The following GNB4 variants were observed in gnomAD, a reference collection of about 807,000 sequenced individuals.
The protein encoded by GNB4 is guanine nucleotide-binding protein subunit beta-4.
GNB4 carries 28 observed loss-of-function variants against 45.2 expected under a neutral mutation model. The ratio of observed to expected loss-of-function variants is 0.62; its 90% CI spans 0.46 to 0.85. The LOEUF is 0.85. Ranked by LOEUF, GNB4 falls within the 40% of genes least tolerant of loss-of-function variation. GNB4 has a pLI of 0.00. For synonymous variants in GNB4, 132 were observed against 143.7 expected (o/e 0.92, Z 0.58); for missense variants, 321 against 425.4 (o/e 0.75, Z 2.16).
the GNB4 span, among the ~76,000 whole-genome samples, chr3:179,519,567 C>T: frequency 0.79 from 120,564 of 152,088 alleles, 47,927 homozygotes; most frequent in African/African-American, 0.83. Context: ...TTGGACAACA[C>T]TCTTTTATGC....
At chr3:179,483,130 T>G in the GNB4 span, among the ~76,000 whole-genome samples, 9 of 152,280 alleles carry the variant, frequency 5.9e-5, 2 homozygotes, top group South Asian at 2.1e-4. Flanking sequence ...AATTTAATTA[T>G]TTTTTTCTTT....
intron 9 of GNB4, among the ~76,000 whole-genome samples, chr3:179,404,249 T>C (rs1349627587): frequency 6.6e-6 from 1 of 152,226 alleles, no homozygotes; most frequent in Non-Finnish European, 1.5e-5. Flanking sequence ...AATGTGGTTC[T>C]AAACAAAATC....
At chr3:179,422,101 CG>C (rs1230999455) in intron 2 of GNB4, among the ~76,000 whole-genome samples, 1 of 152,080 alleles carries the variant, frequency 6.6e-6, no homozygotes, top group Non-Finnish European at 1.5e-5. Context: ...CACCAATAGG[CG>C]TCAAAAATCT....
At chr3:179,458,745 C>A in the GNB4 span, among the ~76,000 whole-genome samples, 4 of 151,904 alleles carry the variant, frequency 2.6e-5, no homozygotes, top group Non-Finnish European at 5.9e-5. Flanking sequence ...TTTTTATATT[C>A]TTTTTATTGT....
chr3:179,471,590 GT>G, the GNB4 span, among the ~76,000 whole-genome samples: 1 of 152,090 alleles, frequency 6.6e-6, no homozygotes, highest in Non-Finnish European at 1.5e-5. Flanking sequence ...CTCCATCTAG[GT>G]TTGTGTAAGT....
At chr3:179,432,244 A>C (rs1333178530) in intron 1 of GNB4, among the ~76,000 whole-genome samples, 1 of 152,196 alleles carries the variant, frequency 6.6e-6, no homozygotes, top group African/African-American at 2.4e-5. Context: ...AGACAACCGC[A>C]ACCTTTCTTT....
the GNB4 span, among the ~76,000 whole-genome samples, chr3:179,481,862 A>C: frequency 3.3e-5 from 5 of 152,158 alleles, no homozygotes; most frequent in South Asian, 2.1e-4. Context: ...ACATGAAATA[A>C]ATTTATTTTT....
the GNB4 span, among the ~76,000 whole-genome samples, chr3:179,466,015 T>G: frequency 3.4e-5 from 5 of 147,158 alleles, no homozygotes; most frequent in South Asian, 2.2e-4. Context: ...TCGTTTTTTT[T>G]TTTTTTTTTT....
At chr3:179,490,412 T>C in the GNB4 span, among the ~76,000 whole-genome samples, 16,844 of 152,076 alleles carry the variant, frequency 0.11, 1,254 homozygotes, top group East Asian at 0.33. Flanking sequence ...GACAGATAGG[T>C]ACGTAGGTAG....
At chr3:179,425,558 T>C (rs907435692) in intron 2 of GNB4, among the ~76,000 whole-genome samples, 1 of 152,098 alleles carries the variant, frequency 6.6e-6, no homozygotes, top group Non-Finnish European at 1.5e-5. Context: ...GCAACCTCCG[T>C]CTCCAGGGAT....
At chr3:179,455,061 C>T (rs1715958286), upstream of GNB4, among the ~76,000 whole-genome samples, 1 of 152,126 alleles carries the variant, frequency 6.6e-6, no homozygotes, top group Non-Finnish European at 1.5e-5. Flanking sequence ...CTTTGAGTCA[C>T]CTTTGCTGTA....
chr3:179,464,959 TGA>T, the GNB4 span: 1 of 1,548,956 alleles, frequency 6.5e-7, no homozygotes, highest in Non-Finnish European at 8.9e-7. Flanking sequence ...CAAAAAGTGT[TGA>T]AATGCCCATT....
intron 1 of GNB4, among the ~76,000 whole-genome samples, chr3:179,434,721 A>AT (rs1577037387): frequency 6.6e-6 from 1 of 150,916 alleles, no homozygotes; most frequent in East Asian, 1.9e-4. Flanking sequence ...ACTCTGTCTC[A>AT]TTAAAAAAAA....
chr3:179,468,035 A>AAAATATATATATATATATATATATAT, the GNB4 span, among the ~76,000 whole-genome samples: 22 of 89,866 alleles, frequency 2.4e-4, no homozygotes, highest in African/African-American at 8.8e-4. Context: ...TGTTGATAAA[A>AAAATATATATATATATATATATATAT]ATATATATAT....
chr3:179,419,276 T>C lies in GNB4; in HGVS notation c.203+123A>G, dbSNP rs113974139. 6.4e-5 allele frequency: 45 copies of C among 704,094 alleles called. 2 individuals carry two copies. Among genetic ancestry groups the C allele is most frequent in the African/African-American group, 5.0e-4 (28 of 55,892 alleles). The allele number at this position is 704,094 out of a possible 1,614,324, so 43.6% of individuals were successfully genotyped here. On this transcript the variant is annotated intron_variant, in intron 4 of 9. Transcript: ENST00000232564. ...TTGAAAGCAGCATGTTCATCTGAGA[T>C]GCATTTTCTGCAAACGCTTCATGAA... is the stretch of plus-strand genomic sequence containing the variant.
intron 1 of GNB4, among the ~76,000 whole-genome samples, chr3:179,440,880 T>TAG (rs141411562): frequency 0.41 from 61,060 of 148,982 alleles, 12,640 homozygotes; most frequent in Admixed American, 0.49. Context: ...TATAGATAGA[T>TAG]AGAGAGAGAG....
chr3:179,436,185 G>C (rs569546048), intron 1 of GNB4, among the ~76,000 whole-genome samples: 2 of 152,158 alleles, frequency 1.3e-5, no homozygotes, highest in African/African-American at 4.8e-5. Flanking sequence ...GATCGCCTGA[G>C]GCAGGGAGTT....
chr3:179,407,870 A>C (rs1301040664), intron 8 of GNB4, among the ~76,000 whole-genome samples: 2 of 152,186 alleles, frequency 1.3e-5, no homozygotes, highest in South Asian at 4.1e-4. Context: ...ACCTCATAAT[A>C]ACCTCATTAT....
intron 8 of GNB4, among the ~76,000 whole-genome samples, chr3:179,407,011 C>A (rs540936232): frequency 7.9e-5 from 12 of 152,334 alleles, no homozygotes; most frequent in Admixed American, 3.9e-4. Flanking sequence ...AAATTTACTT[C>A]TTGGCTATCC....
Sources: gnomAD v4.1 joint callset for allele counts (sites outside exome capture counted in the v4.1 genomes callset) on GRCh38, gnomAD v4.1.1 for gene constraint, MANE v1.5 for transcripts, NCBI Gene and HGNC (gene_info 2026-07-23, HGNC 2026-07-21) for gene names.